Variants in TTC6 observed in about 807,000 individuals in gnomAD.
The protein encoded by TTC6 is tetratricopeptide repeat protein 6.
TTC6 carries 172 observed loss-of-function variants against 210.4 expected under a neutral mutation model. That is an observed-to-expected ratio of 0.82 (90% CI 0.72 to 0.93). The LOEUF (loss-of-function observed/expected upper bound fraction) is 0.93, where lower values mean the gene tolerates loss of function less well. Ranked by LOEUF, TTC6 falls within the 40% of genes least tolerant of loss-of-function variation. TTC6 has a pLI of 0.00. For synonymous variants in TTC6, 804 were observed against 819.6 expected (o/e 0.98, Z 0.32); for missense variants, 2,414 against 2,318.1 (o/e 1.04, Z -0.85).
exon 1 of TTC6, chr14:37,622,205 T>A (rs1566844029): frequency 6.5e-7 from 1 of 1,535,514 alleles, no homozygotes; most frequent in Non-Finnish European, 8.7e-7. Flanking sequence ...CGGCTGTAGA[T>A]GAAAGCCCAG....
intron 26 of TTC6, among the ~76,000 whole-genome samples, chr14:37,818,764 G>T (rs938102555): frequency 6.6e-6 from 1 of 151,956 alleles, no homozygotes; most frequent in African/African-American, 2.4e-5. Context: ...AGCAAAACCC[G>T]GTCTTACCAT....
intron 1 of TTC6, among the ~76,000 whole-genome samples, chr14:37,668,419 G>A (rs1395824119): frequency 6.7e-6 from 1 of 150,252 alleles, no homozygotes; most frequent in Non-Finnish European, 1.5e-5. Flanking sequence ...CTTTAGCTTG[G>A]TCAGCTCTGT....
rs1045162533 is a variant in TTC6, at chr14:37,737,741, T to C, written c.1983+7T>C. On this transcript the variant is annotated splice_region_variant and intron_variant, in intron 9 of 30. Transcript: ENST00000553443. ...ACAACCTACACAACTAAGGGTATTA[T>C]AATTTTACAGTTTTTACTCTCTAAA... The C allele has an allele frequency of 3.4e-6, 5 of 1,455,372 alleles. No homozygotes were observed. Among genetic ancestry groups the C allele is most frequent in the Admixed American group, 2.2e-5 (1 of 44,680 alleles). The allele number at this position is 1,455,372 out of a possible 1,614,324, so 90.2% of individuals were successfully genotyped here.
chr14:37,626,364 A>G (rs906687171), intron 1 of TTC6, among the ~76,000 whole-genome samples: 23 of 152,218 alleles, frequency 1.5e-4, no homozygotes, highest in Non-Finnish European at 2.1e-4. Context: ...CATATAACTC[A>G]AAAGGAAAAC....
intron 14 of TTC6, among the ~76,000 whole-genome samples, chr14:37,769,173 G>A (rs1286934360): frequency 6.6e-5 from 10 of 151,700 alleles, no homozygotes; most frequent in Non-Finnish European, 1.5e-4. Flanking sequence ...TGATGGATAA[G>A]CTTTTTGATG....
intron 1 of TTC6, among the ~76,000 whole-genome samples, chr14:37,603,047 C>G (rs2095618710): frequency 6.6e-6 from 1 of 152,164 alleles, no homozygotes; most frequent in African/African-American, 2.4e-5. Context: ...GCAGCAGGAG[C>G]TTCACAAATT....
At chr14:37,689,465 G>A (rs2095799723) in intron 3 of TTC6, among the ~76,000 whole-genome samples, 1 of 152,002 alleles carries the variant, frequency 6.6e-6, no homozygotes, top group Non-Finnish European at 1.5e-5. Flanking sequence ...CCAAGTACAA[G>A]AAGGCTATAG....
intron 25 of TTC6, among the ~76,000 whole-genome samples, chr14:37,815,240 T>TAAAA (rs2096138651): frequency 6.6e-6 from 1 of 152,044 alleles, no homozygotes; most frequent in Non-Finnish European, 1.5e-5. Context: ...AAATAGAGAC[T>TAAAA]GAAACAAACA....
chr14:37,741,270 C>G (rs2095918384), intron 10 of TTC6, among the ~76,000 whole-genome samples: 4 of 136,194 alleles, frequency 2.9e-5, no homozygotes, highest in Non-Finnish European at 1.5e-5. Context: ...GACTTTTTTC[C>G]CACTTTTTTT....
At chr14:37,658,187 T>C (rs528673961) in intron 1 of TTC6, among the ~76,000 whole-genome samples, 1 of 152,342 alleles carries the variant, frequency 6.6e-6, no homozygotes, top group East Asian at 1.9e-4. Flanking sequence ...TATTCTCACT[T>C]ATGAAATATT....
chr14:37,748,514 G>C (rs1162099832), intron 10 of TTC6, among the ~76,000 whole-genome samples: 1 of 152,184 alleles, frequency 6.6e-6, no homozygotes, highest in Non-Finnish European at 1.5e-5. Context: ...ATGTTCAGTT[G>C]ATAGTCTGGG....
At chr14:37,694,332 A>G (rs1482951371) in intron 3 of TTC6, among the ~76,000 whole-genome samples, 2 of 152,200 alleles carry the variant, frequency 1.3e-5, no homozygotes, top group East Asian at 1.9e-4. Flanking sequence ...AGACATACAA[A>G]TGGCAAACAG....
exon 1 of TTC6, chr14:37,622,719 A>G: frequency 6.5e-6 from 10 of 1,535,044 alleles, no homozygotes; most frequent in Non-Finnish European, 8.7e-6. Context: ...GGAGGCCAGC[A>G]GCGGGCGGAG....
At chr14:37,786,057 A>G (rs2096066817) in intron 14 of TTC6, among the ~76,000 whole-genome samples, 1 of 152,160 alleles carries the variant, frequency 6.6e-6, no homozygotes. Context: ...CCTCCCAGTT[A>G]GGCTACTCGG....
intron 1 of TTC6, among the ~76,000 whole-genome samples, chr14:37,660,280 A>T (rs1294618133): frequency 4.0e-5 from 6 of 151,592 alleles, no homozygotes; most frequent in African/African-American, 1.5e-4. Context: ...CAGGTTTGTT[A>T]TGTAGGTAAA....
chr14:37,751,972 C>T (rs2095953590), intron 13 of TTC6, among the ~76,000 whole-genome samples: 1 of 151,762 alleles, frequency 6.6e-6, no homozygotes, highest in South Asian at 2.1e-4. Context: ...TACAGGTGCC[C>T]GCCACTATGC....
chr14:37,619,069 CG>C (rs571349383), upstream of TTC6, among the ~76,000 whole-genome samples: 1 of 151,862 alleles, frequency 6.6e-6, no homozygotes, highest in African/African-American at 2.4e-5. Flanking sequence ...CTATGCGGGG[CG>C]GGGGGATTAT....
chr14:37,659,909 A>C (rs2095733659), intron 1 of TTC6, among the ~76,000 whole-genome samples: 1 of 152,140 alleles, frequency 6.6e-6, no homozygotes, highest in Admixed American at 6.5e-5. Flanking sequence ...TCTTTTGAGA[A>C]GTGTCTGTTC....
Position 37,637,564 on chromosome 14 carries a change from G to A in TTC6, c.939+14561G>A, listed in dbSNP as rs570921768. ...GCAGGAGGATCTCTCGAACCAAAGA[G>A]TTTCAGGTTACAGTGAGCTATGATC... On this transcript the variant is annotated intron_variant, in intron 1 of 30. Transcript: ENST00000553443. 4.6e-5 allele frequency among the ~76,000 whole-genome samples: 7 copies of A among 152,250 alleles called. No individual in the cohort carries two copies. The East Asian group carries it at 1.4e-3, about 29-fold the overall frequency.
Sources: gnomAD v4.1 joint callset for allele counts (sites outside exome capture counted in the v4.1 genomes callset) on GRCh38, gnomAD v4.1.1 for gene constraint, MANE v1.5 for transcripts, NCBI Gene and HGNC (gene_info 2026-07-23, HGNC 2026-07-21) for gene names.